DAB2IP: variants seen among roughly 807,000 people sequenced by gnomAD.
The protein encoded by DAB2IP is disabled homolog 2-interacting protein.
A neutral mutation model predicts 107.2 loss-of-function variants in DAB2IP; 28 were observed. That is an observed-to-expected ratio of 0.26 (90% CI 0.19 to 0.36). The LOEUF (loss-of-function observed/expected upper bound fraction) is 0.36. DAB2IP is among the 10% of genes least tolerant of loss of function. DAB2IP has a pLI of 1.00. For synonymous variants in DAB2IP, 755 were observed against 706.4 expected (o/e 1.07, Z -1.09); for missense variants, 1,400 against 1,644.7 (o/e 0.85, Z 2.57).
At chr9:121,636,626 C>T (rs1201658508) in intron 1 of DAB2IP, among the ~76,000 whole-genome samples, 4 of 152,130 alleles carry the variant, frequency 2.6e-5, no homozygotes, top group Non-Finnish European at 4.4e-5. Flanking sequence ...GTGGCTGGTA[C>T]GAGAGTGAGG....
chr9:121,771,444 AGGG>A (rs1834725481), intron 11 of DAB2IP, among the ~76,000 whole-genome samples: 1 of 152,140 alleles, frequency 6.6e-6, no homozygotes, highest in African/African-American at 2.4e-5. Context: ...AGGTGGTGGC[AGGG>A]CAGGCTTTTA....
At chr9:121,574,086 A>G (rs548048378) in intron 1 of DAB2IP, among the ~76,000 whole-genome samples, 42 of 152,326 alleles carry the variant, frequency 2.8e-4, no homozygotes, top group African/African-American at 9.4e-4. Context: ...GGGGCCTGAT[A>G]TCATGACTCC....
rs1489352202 is a variant in DAB2IP at position 121,698,576 on chromosome 9, GAGC to G, written c.229-747_229-745del. Among the ~76,000 whole-genome samples the G allele has an allele frequency of 1.3e-5, 2 of 152,194 alleles. No homozygotes were observed. The highest frequency in any genetic ancestry group is 3.9e-4 in the East Asian group (2 of 5,182). On this transcript the variant is annotated intron_variant, in intron 2 of 15. Coordinates refer to ENST00000408936, the Ensembl canonical transcript of DAB2IP. This position sits in a 1 kb window ranked among gnomAD's most constrained non-coding sequence, Gnocchi z 4.1. Reference sequence around the variant, plus strand: ...AGCCCCTCGGGCCCCTCCCTGAGCTGAGCACTAGGGATCCCGTCCCGCAAGGTG... The same window carrying G: ...AGCCCCTCGGGCCCCTCCCTGAGCTGACTAGGGATCCCGTCCCGCAAGGTG...
At chr9:121,722,224 C>T (rs1830978492) in intron 3 of DAB2IP, among the ~76,000 whole-genome samples, 1 of 152,216 alleles carries the variant, frequency 6.6e-6, no homozygotes, top group Non-Finnish European at 1.5e-5. Context: ...TGCTCTCCTG[C>T]AGCTCCTTCA....
intron 1 of DAB2IP, among the ~76,000 whole-genome samples, chr9:121,604,775 T>C (rs971110622): frequency 1.3e-5 from 2 of 152,228 alleles, no homozygotes; most frequent in African/African-American, 2.4e-5. Context: ...CTCTGGGCTT[T>C]AGAAATTGCT....
At chr9:121,720,234 G>T (rs778519360) in intron 3 of DAB2IP, among the ~76,000 whole-genome samples, 48 of 152,276 alleles carry the variant, frequency 3.2e-4, no homozygotes, top group Non-Finnish European at 5.1e-4. Context: ...TGTGGCAGTT[G>T]TCTGTGTGCC....
rs560426250 is a variant in DAB2IP at position 121,770,833 on chromosome 9, C to A, written c.2078+109C>A. 4.3e-6 allele frequency: 6 copies of A among 1,402,864 alleles called. No individual in the cohort carries two copies. In the Admixed American group the frequency reaches 1.2e-4, roughly 28 times the overall value. The allele number at this position is 1,402,864 out of a possible 1,614,324, so 86.9% of individuals were successfully genotyped here. On this transcript the variant is annotated intron_variant, in intron 11 of 15. Coordinates refer to ENST00000408936, the Ensembl canonical transcript of DAB2IP. ...GGATGCCTACATAGTGTTTATAAAA[C>A]AAGCCTGGCAAGACTTGAGTTGTAC... is the stretch of plus-strand genomic sequence containing the variant.
At position 121,771,258 on chromosome 9, in the gene DAB2IP, C is replaced by T. The variant is rs978110828; in HGVS notation, c.2078+534C>T. 9.2e-5 allele frequency among the ~76,000 whole-genome samples: 14 copies of T among 152,284 alleles called. No individual in the cohort carries two copies. In the South Asian group the frequency reaches 1.5e-3, roughly 16 times the overall value. On this transcript the variant is annotated intron_variant, in intron 11 of 15. Transcript: ENST00000408936. The stretch of plus-strand genomic sequence containing the variant: ...CTGCTCTGCCTAAATAAGACACACA[C>T]GGCAGAGTGGAAGGCAAAATGTTCT...
intron 1 of DAB2IP, among the ~76,000 whole-genome samples, chr9:121,632,606 C>T (rs542161640): frequency 1.1e-4 from 16 of 152,318 alleles, no homozygotes; most frequent in African/African-American, 3.6e-4. Context: ...CATAGACTCC[C>T]ACCCCCCAGG....
intron 1 of DAB2IP, among the ~76,000 whole-genome samples, chr9:121,578,764 G>A (rs571700652): frequency 1.9e-4 from 19 of 97,482 alleles, no homozygotes; most frequent in African/African-American, 6.6e-4. Flanking sequence ...TTTTTGAGAC[G>A]AAGTCTTGCT....
At chr9:121,617,296 C>T (rs1368424013) in intron 1 of DAB2IP, among the ~76,000 whole-genome samples, 1 of 152,104 alleles carries the variant, frequency 6.6e-6, no homozygotes, top group Non-Finnish European at 1.5e-5. Context: ...TGCACTCCAG[C>T]CTGAGCAACA....
chr9:121,774,143 C>T lies in DAB2IP; in HGVS notation c.2968-117C>T, dbSNP rs367555213. On this transcript the variant is annotated intron_variant, in intron 12 of 15. Transcript: ENST00000408936. ...GGTAGGCGCTCAGTCAGCTGGAGGT[C>T]CCCTCTTCCCACCGTGTCCCAGAGT... 35 of 1,185,932 alleles carry T rather than the reference C, an allele frequency of 3.0e-5. 1 individual carries two copies. The highest frequency in any genetic ancestry group is 2.7e-4 in the East Asian group (9 of 33,608). The allele number at this position is 1,185,932 out of a possible 1,614,324, so 73.5% of individuals were successfully genotyped here. A position where few individuals can be genotyped will look rare whatever the true frequency, so the allele number is the denominator to read the frequency against.
At chr9:121,626,413 A>G (rs948934096) in intron 1 of DAB2IP, among the ~76,000 whole-genome samples, 10 of 140,120 alleles carry the variant, frequency 7.1e-5, no homozygotes, top group African/African-American at 2.6e-4. Context: ...ACCAAACTTC[A>G]GACGAGAAAC....
chr9:121,603,527 T>A (rs933610581), intron 1 of DAB2IP, among the ~76,000 whole-genome samples: 1 of 152,138 alleles, frequency 6.6e-6, no homozygotes. Flanking sequence ...GGAGCGGTGA[T>A]AAGAGTCAGG....
chr9:121,759,868 C>A lies in DAB2IP; in HGVS notation c.616-17C>A. On this transcript the variant is annotated splice_polypyrimidine_tract_variant and intron_variant, in intron 5 of 15. Coordinates refer to ENST00000408936, the Ensembl canonical transcript of DAB2IP. ...GGCACCCCCAGCTGACCACCCTGGA[C>A]CCCCGTGCACATACAGGACAACAGC... 6 of 1,600,904 alleles carry A rather than the reference C, an allele frequency of 3.7e-6. No individual in the cohort carries two copies. Among genetic ancestry groups the A allele is most frequent in the Non-Finnish European group, 5.1e-6 (6 of 1,172,002 alleles).
chr9:121,658,919 A>G (rs1833081742), intron 1 of DAB2IP, among the ~76,000 whole-genome samples: 1 of 151,908 alleles, frequency 6.6e-6, no homozygotes, highest in Non-Finnish European at 1.5e-5. Context: ...TGGTTTGGGG[A>G]TTTTGCTTTT....
chr9:121,696,165 G>A (rs1564162220), intron 2 of DAB2IP, among the ~76,000 whole-genome samples: 1 of 152,152 alleles, frequency 6.6e-6, no homozygotes, highest in South Asian at 2.1e-4. Flanking sequence ...CACCATGCCT[G>A]GCAACTTTAT....
At position 121,730,669 on chromosome 9, in the gene DAB2IP, G is replaced by A. The variant is rs541317001; in HGVS notation, c.363-26344G>A. Among the ~76,000 whole-genome samples the A allele has an allele frequency of 2.8e-4, 42 of 152,336 alleles. 1 individual carries two copies. The highest frequency in any genetic ancestry group is 3.4e-3 in the Middle Eastern group (1 of 294). The stretch of plus-strand genomic sequence containing the variant: ...CTGCAGCAGAGTTTCTGCAGATGAG[G>A]AAACTAAGGCTTAGAGAAATGAAGT... On this transcript the variant is annotated intron_variant, in intron 3 of 15. Transcript: ENST00000408936.
chr9:121,639,079 G>A (rs893936348), intron 1 of DAB2IP, among the ~76,000 whole-genome samples: 1 of 152,220 alleles, frequency 6.6e-6, no homozygotes, highest in East Asian at 1.9e-4. Flanking sequence ...AGTCAAGGCT[G>A]TGTGGGATTG....
Sources: allele counts gnomAD v4.1 joint callset (sites outside exome capture counted in the v4.1 genomes callset), GRCh38; gene constraint gnomAD v4.1.1; non-coding constraint Gnocchi (gnomAD v3.1); transcripts MANE v1.5; gene names NCBI Gene and HGNC (gene_info 2026-07-23, HGNC 2026-07-21).